The following TMTC1 variants were observed in gnomAD, a reference collection of about 807,000 sequenced individuals.
TMTC1 encodes the protein protein O-mannosyl-transferase TMTC1.
In TMTC1, 73 loss-of-function variants were observed where a neutral mutation model predicts 104.8. The ratio of observed to expected loss-of-function variants is 0.70; its 90% CI spans 0.58 to 0.85. The LOEUF (loss-of-function observed/expected upper bound fraction) is 0.85. Ranked by LOEUF, TMTC1 falls within the 40% of genes least tolerant of loss-of-function variation. TMTC1 has a pLI of 0.00. For synonymous variants in TMTC1, 434 were observed against 428.7 expected (o/e 1.01, Z -0.15); for missense variants, 1,035 against 1,096.1 (o/e 0.94, Z 0.79).
chr12:29,597,327 G>A (rs1256983986), intron 7 of TMTC1, among the ~76,000 whole-genome samples: 2 of 144,070 alleles, frequency 1.4e-5, no homozygotes, highest in South Asian at 2.2e-4. Flanking sequence ...GTCCTGCCTC[G>A]GCCTCCCAAA....
At chr12:29,784,416 C>CG (rs1769289376), upstream of TMTC1, 1 of 152,254 alleles carries the variant, frequency 6.6e-6, no homozygotes, top group Non-Finnish European at 1.5e-5. Flanking sequence ...CCCGCGCTCG[C>CG]GTCCAGTCGC....
In TMTC1 at chr12:29,737,660, A is replaced by C. The variant is rs889619855; in HGVS notation, c.938+14006T>G. Among the ~76,000 whole-genome samples, 27 of 152,102 alleles carry C rather than the reference A, an allele frequency of 1.8e-4. 1 individual carries two copies. Among genetic ancestry groups the C allele is most frequent in the Non-Finnish European group, 7.4e-5 (5 of 68,002 alleles). ...TTGCTCCTAAATGTCTCCAGAAAAC[A>C]CCATAAGGGCTTGACCTCTACAGCC... On this transcript the variant is annotated intron_variant, in intron 5 of 17. Transcript: ENST00000539277.
chr12:29,661,825 C>G (rs868831034), intron 5 of TMTC1, among the ~76,000 whole-genome samples: 2 of 152,116 alleles, frequency 1.3e-5, no homozygotes, highest in African/African-American at 2.4e-5. Flanking sequence ...TTTCTCACCT[C>G]CCTGTGGTTC....
At chr12:29,591,531 T>A (rs1182340888) in intron 7 of TMTC1, among the ~76,000 whole-genome samples, 1 of 152,202 alleles carries the variant, frequency 6.6e-6, no homozygotes, top group African/African-American at 2.4e-5. Flanking sequence ...ACAGTGTGGT[T>A]TAGCTCAGTG....
chr12:29,738,633 C>T lies in TMTC1; in HGVS notation c.938+13033G>A, dbSNP rs114791181. Among the ~76,000 whole-genome samples, 377 of 152,288 alleles carry T rather than the reference C, an allele frequency of 2.5e-3. 2 individuals carry two copies. Among genetic ancestry groups the T allele is most frequent in the African/African-American group, 8.9e-3 (370 of 41,554 alleles). On this transcript the variant is annotated intron_variant, in intron 5 of 17. Transcript: ENST00000539277. ...GTACAAAATACAACAGCTGCTTGGA[C>T]ACAACACACATAAGAAAAAAATGAT...
Position 29,550,933 on chromosome 12 carries a change from C to CAAAAAAAAAAAA in TMTC1, c.1676+5912_1676+5923dup, listed in dbSNP as rs200605964. Among the ~76,000 whole-genome samples the CAAAAAAAAAAAA allele has an allele frequency of 1.8e-4, 20 of 108,316 alleles. 1 individual carries two copies. Among genetic ancestry groups the CAAAAAAAAAAAA allele is most frequent in the African/African-American group, 7.1e-4 (18 of 25,284 alleles). 71.1% of individuals were successfully genotyped at this position (108,316 alleles called of 152,430 possible). On this transcript the variant is annotated intron_variant, in intron 10 of 17. Coordinates refer to ENST00000539277, the MANE Select transcript of TMTC1 (RefSeq NM_001193451.2). ...TGGGGGAGAGAGTGGGACTCCATCTCAAAAAAAAAAAAAAAAAAAAAAAAA... is the reference window on the plus strand; with the variant it reads ...TGGGGGAGAGAGTGGGACTCCATCTCAAAAAAAAAAAAAAAAAAAAAAAAAAAAAAAAAAAAA...
chr12:29,511,953 C>A, intron 17 of TMTC1, 90 bp downstream of exon 17: 1 of 1,238,076 alleles, frequency 8.1e-7, no homozygotes, highest in Non-Finnish European at 1.2e-6. Flanking sequence ...AGGAAATTAA[C>A]AATAGTTCCT....
intron 16 of TMTC1, among the ~76,000 whole-genome samples, chr12:29,513,766 T>C (rs1030305705): frequency 6.6e-6 from 1 of 152,196 alleles, no homozygotes; most frequent in African/African-American, 2.4e-5. Flanking sequence ...ACTGAACACC[T>C]TGTAAGATGC....
intron 7 of TMTC1, among the ~76,000 whole-genome samples, chr12:29,599,993 C>CAT (rs71444331): frequency 0.057 from 4,657 of 81,742 alleles, 224 homozygotes; most frequent in Middle Eastern, 0.096. Context: ...TGTGTATATA[C>CAT]ATATATATAT....
intron 5 of TMTC1, among the ~76,000 whole-genome samples, chr12:29,701,187 T>C (rs529076570): frequency 6.6e-6 from 1 of 152,234 alleles, no homozygotes; most frequent in South Asian, 2.1e-4. Context: ...ATTCAGAAGA[T>C]TGAGTAGAGC....
chr12:29,656,339 T>TATAC lies in TMTC1; in HGVS notation c.939-23004_939-23003insGTAT, dbSNP rs896600524. 9.9e-4 allele frequency among the ~76,000 whole-genome samples: 145 copies of TATAC among 146,988 alleles called. No homozygotes were observed. The East Asian group carries it at 0.015, about 16-fold the overall frequency. ...CCCTGGATATATATATATATATATA[T>TATAC]ACACACATACACATATACTTTTTTT... On this transcript the variant is annotated intron_variant, in intron 5 of 17. Coordinates refer to ENST00000539277, the MANE Select transcript of TMTC1 (RefSeq NM_001193451.2).
intron 5 of TMTC1, 57 bp from the exon 6 acceptor site, chr12:29,633,393 G>A: frequency 7.1e-7 from 1 of 1,409,744 alleles, no homozygotes; most frequent in Middle Eastern, 1.9e-4. Flanking sequence ...CATTCTGTAA[G>A]CGTTCAGTCA....
rs375595309 is a variant in TMTC1 at position 29,633,217 on chromosome 12, C to T, written c.1058G>A (p.Arg353Gln). ...IPLVETIWDMRNLATIFLAVV... is the reference protein window; with the variant it reads ...IPLVETIWDMQNLATIFLAVV... ...CGCCAGAAAGATGGTGGCTAAGTTC[C>T]GCATGTCCCATATGGTCTCTACCAG... Residue 353 changes from arginine to glutamine, a missense_variant, in exon 6 of 18, where the codon CGG becomes CAG. Physicochemically the swap from Arg to Gln is conservative, Grantham distance 43. Coordinates refer to ENST00000539277, the MANE Select transcript of TMTC1 (RefSeq NM_001193451.2). 1.5e-5 allele frequency: 24 copies of T among 1,613,844 alleles called. No individual in the cohort carries two copies. The highest frequency in any genetic ancestry group is 5.3e-5 in the African/African-American group (4 of 74,858).
At chr12:29,737,833 G>A (rs1942721664) in intron 5 of TMTC1, among the ~76,000 whole-genome samples, 1 of 152,176 alleles carries the variant, frequency 6.6e-6, no homozygotes, top group South Asian at 2.1e-4. Context: ...AGGGCGTGGT[G>A]ACAGTTAATG....
At chr12:29,715,965 G>A (rs1942064048) in intron 5 of TMTC1, among the ~76,000 whole-genome samples, 1 of 150,252 alleles carries the variant, frequency 6.7e-6, no homozygotes, top group Admixed American at 6.7e-5. Flanking sequence ...ATGAGATTTG[G>A]ATTGGGACAC....
At chr12:29,563,459 C>T (rs1264808616) in intron 9 of TMTC1, among the ~76,000 whole-genome samples, 1 of 151,894 alleles carries the variant, frequency 6.6e-6, no homozygotes, top group East Asian at 1.9e-4. Context: ...TTAATAACTG[C>T]CAAGTAAGGA....
intron 5 of TMTC1, among the ~76,000 whole-genome samples, chr12:29,664,119 G>A (rs917716125): frequency 1.5e-4 from 23 of 150,150 alleles, no homozygotes; most frequent in South Asian, 4.2e-4. Flanking sequence ...CCCGGGAGGC[G>A]GAGCTTGCAG....
chr12:29,770,980 A>G (rs1442457976), intron 1 of TMTC1, among the ~76,000 whole-genome samples: 1 of 152,132 alleles, frequency 6.6e-6, no homozygotes, highest in Non-Finnish European at 1.5e-5. Context: ...AAATCTCTCA[A>G]AATCTCCCTG....
At position 29,678,901 on chromosome 12, in the gene TMTC1, G is replaced by C. The variant is rs529488449; in HGVS notation, c.939-45565C>G. ...GGGAGTAAAAATTTGTACAACTGTA[G>C]AATTTTGTCTGAATAACAATTTGGC... On this transcript the variant is annotated intron_variant, in intron 5 of 17. Coordinates refer to ENST00000539277, the MANE Select transcript of TMTC1 (RefSeq NM_001193451.2). Among the ~76,000 whole-genome samples, 5 of 152,054 alleles carry C rather than the reference G, an allele frequency of 3.3e-5. No homozygotes were observed. In the South Asian group the frequency reaches 1.0e-3, roughly 32 times the overall value.
Sources: gnomAD v4.1 joint callset for allele counts (sites outside exome capture counted in the v4.1 genomes callset) on GRCh38, gnomAD v4.1.1 for gene constraint, MANE v1.5 for transcripts, NCBI Gene and HGNC (gene_info 2026-07-23, HGNC 2026-07-21) for gene names.